HSH2D: variants seen among roughly 807,000 people sequenced by gnomAD.
HSH2D encodes the protein hematopoietic SH2 domain-containing protein.
In HSH2D, 16 loss-of-function variants were observed where a neutral mutation model predicts 21.5. The ratio of observed to expected loss-of-function variants is 0.74; its 90% CI spans 0.50 to 1.13. HSH2D has a LOEUF of 1.13. Ranked by LOEUF, HSH2D falls within the 50% of genes most tolerant of loss-of-function variation. The pLI is 0.00. For synonymous variants in HSH2D, 172 were observed against 184.7 expected (o/e 0.93, Z 0.56); for missense variants, 418 against 441.4 (o/e 0.95, Z 0.47).
At chr19:16,143,998 G>T (rs915263224) in intron 1 of HSH2D, among the ~76,000 whole-genome samples, 9 of 152,050 alleles carry the variant, frequency 5.9e-5, no homozygotes, top group African/African-American at 2.2e-4. Context: ...ATGAGCAAAG[G>T]TATGGAGAGG....
chr19:16,137,767 G>GAGAT (rs1356544652), intron 1 of HSH2D, among the ~76,000 whole-genome samples: 1 of 151,874 alleles, frequency 6.6e-6, no homozygotes, highest in Non-Finnish European at 1.5e-5. Context: ...CTTTTTTGTA[G>GAGAT]AGATGGTGTC....
At chr19:16,138,053 A>C (rs1047154289) in intron 1 of HSH2D, among the ~76,000 whole-genome samples, 1 of 151,746 alleles carries the variant, frequency 6.6e-6, no homozygotes, top group Non-Finnish European at 1.5e-5. Context: ...TTTTTAGTAG[A>C]GATGGAGTTT....
At chr19:16,147,395 A>C (rs1264700461) in intron 1 of HSH2D, among the ~76,000 whole-genome samples, 1 of 151,038 alleles carries the variant, frequency 6.6e-6, no homozygotes, top group Non-Finnish European at 1.5e-5. Context: ...GAGGTGGGAG[A>C]ATCACTTGAG....
At chr19:16,145,055 G>A (rs372821151) in intron 1 of HSH2D, among the ~76,000 whole-genome samples, 1 of 32,962 alleles carries the variant, frequency 3.0e-5, no homozygotes, top group African/African-American at 1.5e-4. Context: ...TTTTTTTTTT[G>A]TGAGACAGAG....
At chr19:16,153,342 C>A in intron 4 of HSH2D, 134 bp downstream of exon 4, 1 of 831,906 alleles carries the variant, frequency 1.2e-6, no homozygotes, top group Non-Finnish European at 1.8e-6. Flanking sequence ...CCGGCCCCAC[C>A]CCAGTAGTCC....
chr19:16,156,221 G>A (rs751999432), intron 5 of HSH2D, among the ~76,000 whole-genome samples: 2 of 152,120 alleles, frequency 1.3e-5, no homozygotes, highest in South Asian at 2.1e-4. Flanking sequence ...GCATGGTGGC[G>A]CACGCCTGTA....
intron 1 of HSH2D, among the ~76,000 whole-genome samples, chr19:16,137,820 C>G (rs1368688490): frequency 6.6e-6 from 1 of 152,112 alleles, no homozygotes; most frequent in Non-Finnish European, 1.5e-5. Context: ...AGTGATCCTC[C>G]CACCTCAGCC....
chr19:16,141,891 T>G (rs761491457), upstream of HSH2D: 2 of 152,250 alleles, frequency 1.3e-5, no homozygotes, highest in Non-Finnish European at 2.9e-5. Context: ...GAGACCAGCC[T>G]GGGCAACACA....
intron 1 of HSH2D, among the ~76,000 whole-genome samples, chr19:16,135,205 G>T (rs1475026845): frequency 6.6e-6 from 1 of 152,166 alleles, no homozygotes; most frequent in African/African-American, 2.4e-5. Context: ...CTGGGAGGCA[G>T]AGGTTGCAGT....
intron 2 of HSH2D, chr19:16,151,553 G>C: frequency 2.2e-6 from 1 of 455,976 alleles, no homozygotes. Context: ...GCTGGGTTAT[G>C]AACTCGAATG....
chr19:16,136,119 C>A (rs936188201), intron 1 of HSH2D, among the ~76,000 whole-genome samples: 22 of 152,280 alleles, frequency 1.4e-4, no homozygotes, highest in African/African-American at 5.1e-4. Context: ...TAGCTCCCAT[C>A]AAAATCTCTG....
chr19:16,148,868 T>G lies in HSH2D; in HGVS notation c.118T>G (p.Ser40Ala), dbSNP rs1478184454. 15 of 1,612,246 alleles carry G rather than the reference T, an allele frequency of 9.3e-6. No homozygotes were observed. The highest frequency in any genetic ancestry group is 1.1e-5 in the Non-Finnish European group (13 of 1,179,154). Residue 40 changes from serine (S) to alanine (A), a missense_variant, in exon 2 of 6, where the codon TCA (serine) becomes GCA (alanine). Coordinates refer to ENST00000613986, the MANE Select transcript of HSH2D (RefSeq NM_001382417.1). ...CCCCGAGTGGTTCCATGGTGCAATC[T>G]CAAGAGAGTGAGGACACACCCACAC... ...GVPEWFHGAI[S>A]REDAENLLES... is the part of the protein sequence containing the mutation.
chr19:16,150,228 A>G (rs1259089743), intron 2 of HSH2D, among the ~76,000 whole-genome samples: 3 of 151,600 alleles, frequency 2.0e-5, no homozygotes, highest in Non-Finnish European at 2.9e-5. Context: ...TGGACAACAT[A>G]GTGAGACTCC....
rs1458823830 is a variant in HSH2D, at chr19:16,152,979, G to A, written c.216-64G>A. 5.8e-6 allele frequency: 9 copies of A among 1,556,734 alleles called. No homozygotes were observed. In the South Asian group the frequency reaches 9.4e-5, roughly 16 times the overall value. Reference sequence around the variant, plus strand: ...TAGCAGTGACGCTGCCGGCCCAAGGGCTGGGGACTTGGGGCAGGGATGAGG... The same window carrying A: ...TAGCAGTGACGCTGCCGGCCCAAGGACTGGGGACTTGGGGCAGGGATGAGG... On this transcript the variant is annotated intron_variant, in intron 3 of 5. Coordinates refer to ENST00000613986, the MANE Select transcript of HSH2D (RefSeq NM_001382417.1).
At position 16,157,407 on chromosome 19, in the gene HSH2D, C is replaced by G. The variant is rs1184867038; in HGVS notation, c.672C>G (p.His224Gln). Residue 224 changes from histidine to glutamine, a missense_variant, in exon 6 of 6, where the codon CAC becomes CAG. By Grantham distance (24) the His-to-Gln change is conservative (BLOSUM62 0). Transcript: ENST00000613986. This position sits in a 1 kb window ranked among gnomAD's most constrained non-coding sequence, Gnocchi z 4.4. The part of the protein sequence containing the change: ...GQRVRQQLKS[H>Q]LATVNLSSLL... ...GGGTCCGGCAGCAGCTAAAAAGCCA[C>G]CTCGCCACTGTGAACTTGTCGTCAC... 1 of 1,613,924 alleles carries G rather than the reference C, an allele frequency of 6.2e-7. No homozygotes were observed. Among genetic ancestry groups the G allele is most frequent in the Non-Finnish European group, 8.5e-7 (1 of 1,179,880 alleles).
At chr19:16,137,481 A>G (rs2090971736) in intron 1 of HSH2D, among the ~76,000 whole-genome samples, 1 of 151,866 alleles carries the variant, frequency 6.6e-6, no homozygotes, top group Non-Finnish European at 1.5e-5. Flanking sequence ...TACAAAAATT[A>G]GCCAGAAATC....
At chr19:16,135,041 G>C (rs1337756013) in intron 1 of HSH2D, among the ~76,000 whole-genome samples, 1 of 149,388 alleles carries the variant, frequency 6.7e-6, no homozygotes, top group East Asian at 2.0e-4. Flanking sequence ...GGCCGAGGTG[G>C]GTGGTTCACC....
intron 1 of HSH2D, among the ~76,000 whole-genome samples, chr19:16,138,578 C>T (rs2090979260): frequency 6.6e-6 from 1 of 151,906 alleles, no homozygotes; most frequent in Non-Finnish European, 1.5e-5. Flanking sequence ...CTGCCTCAGC[C>T]TCCCGAGTAG....
At chr19:16,139,077 T>C (rs1331738106), upstream of HSH2D, among the ~76,000 whole-genome samples, 1 of 152,238 alleles carries the variant, frequency 6.6e-6, no homozygotes, top group East Asian at 1.9e-4. Flanking sequence ...AGGCTGGTCT[T>C]GAACTCCTGA....
Sources: allele counts gnomAD v4.1 joint callset (sites outside exome capture counted in the v4.1 genomes callset), GRCh38; gene constraint gnomAD v4.1.1; non-coding constraint Gnocchi (gnomAD v3.1); transcripts MANE v1.5; gene names NCBI Gene and HGNC (gene_info 2026-07-23, HGNC 2026-07-21).